Variants in BMP5 observed in about 807,000 individuals in gnomAD.
The protein encoded by BMP5 is bone morphogenetic protein 5.
Under a neutral mutation model 46.6 loss-of-function variants are expected in BMP5, and 23 were observed. The observed-to-expected ratio is 0.49, with a 90% CI of 0.35 to 0.70. The LOEUF is 0.70. Ranked by LOEUF, BMP5 falls within the 30% of genes least tolerant of loss-of-function variation. The pLI, the probability that BMP5 is intolerant of heterozygous loss-of-function variation, is 0.00. For synonymous variants in BMP5, 204 were observed against 191.9 expected, an observed-to-expected ratio of 1.06 and a Z score of -0.52; for missense variants, 545 against 565.6, an observed-to-expected ratio of 0.96 and a Z score of 0.37.
chr6:55,808,698 C>T (rs117686420), intron 2 of BMP5, among the ~76,000 whole-genome samples: 4,255 of 152,256 alleles, frequency 0.028, 81 homozygotes, highest in Middle Eastern at 0.065. Context: ...CACCACCTCC[C>T]TTGGCTGGGG....
chr6:55,797,433 A>C (rs1378780072), intron 2 of BMP5, among the ~76,000 whole-genome samples: 2 of 152,322 alleles, frequency 1.3e-5, no homozygotes, highest in Non-Finnish European at 2.9e-5. Context: ...TGCGATAGAG[A>C]AAATACATGT....
At chr6:55,855,417 A>G (rs1339240848) in intron 1 of BMP5, among the ~76,000 whole-genome samples, 1 of 151,998 alleles carries the variant, frequency 6.6e-6, no homozygotes, top group Non-Finnish European at 1.5e-5. Context: ...TTTTTAATAT[A>G]TTAGATATTA....
chr6:55,770,883 A>G (rs1317207335), intron 4 of BMP5, among the ~76,000 whole-genome samples: 1 of 151,952 alleles, frequency 6.6e-6, no homozygotes, highest in African/African-American at 2.4e-5. Flanking sequence ...CACAACATTT[A>G]CTTCCCATCT....
chr6:55,760,071 C>A (rs1170715960), intron 5 of BMP5, among the ~76,000 whole-genome samples: 1 of 151,906 alleles, frequency 6.6e-6, no homozygotes, highest in Non-Finnish European at 1.5e-5. Context: ...CTGTCATCTT[C>A]CCCATGACAG....
chr6:55,793,000 C>T (rs917647135), intron 3 of BMP5, among the ~76,000 whole-genome samples: 5 of 152,052 alleles, frequency 3.3e-5, no homozygotes, highest in African/African-American at 1.2e-4. Flanking sequence ...CAATGTAGAT[C>T]TCCATGATGT....
intron 1 of BMP5, among the ~76,000 whole-genome samples, chr6:55,870,411 CT>C (rs1356066372): frequency 6.6e-6 from 1 of 152,030 alleles, no homozygotes; most frequent in Non-Finnish European, 1.5e-5. Context: ...AAAGTTAAAA[CT>C]TTTACAGAAT....
chr6:55,839,822 A>G (rs1776907623), intron 1 of BMP5, among the ~76,000 whole-genome samples: 1 of 151,824 alleles, frequency 6.6e-6, no homozygotes, highest in Non-Finnish European at 1.5e-5. Context: ...TTTTTTTGCC[A>G]TTCATATACC....
At chr6:55,873,942 T>G (rs1777841575) in intron 1 of BMP5, among the ~76,000 whole-genome samples, 1 of 152,018 alleles carries the variant, frequency 6.6e-6, no homozygotes, top group African/African-American at 2.4e-5. Context: ...GATGAGAGAT[T>G]TTTAAGTAGT....
chr6:55,863,252 G>A (rs917006938), intron 1 of BMP5, among the ~76,000 whole-genome samples: 6 of 152,104 alleles, frequency 3.9e-5, no homozygotes, highest in African/African-American at 1.4e-4. Context: ...ATATAAAGAT[G>A]CTTTTAAAAA....
At chr6:55,861,881 T>G (rs76345127) in intron 1 of BMP5, among the ~76,000 whole-genome samples, 31,790 of 152,096 alleles carry the variant, frequency 0.21, 3,771 homozygotes, top group Admixed American at 0.26. Flanking sequence ...AGCATATCAG[T>G]GAATAGCTTG....
Position 55,833,850 on chromosome 6 carries a change from G to A in BMP5, c.491-14003C>T, listed in dbSNP as rs908765117. On this transcript the variant is annotated intron_variant, in intron 1 of 6. Transcript: ENST00000370830. ...ATCCTAATGAATTTATAAAGCTTTG[G>A]TGTATATTCAGAAGTCCTACAATGT... is the stretch of plus-strand genomic sequence containing the variant. Among the ~76,000 whole-genome samples, 3 of 152,026 alleles carry A rather than the reference G, an allele frequency of 2.0e-5. No individual in the cohort carries two copies. In the South Asian group the frequency reaches 6.2e-4, roughly 32 times the overall value.
intron 1 of BMP5, among the ~76,000 whole-genome samples, chr6:55,870,246 C>T (rs919920313): frequency 1.3e-5 from 2 of 150,244 alleles, no homozygotes; most frequent in African/African-American, 4.9e-5. Flanking sequence ...TTATAACTAT[C>T]TCTGGCAACC....
At chr6:55,770,076 A>G (rs775988231) in intron 4 of BMP5, among the ~76,000 whole-genome samples, 14 of 151,852 alleles carry the variant, frequency 9.2e-5, no homozygotes, top group Non-Finnish European at 2.1e-4. Flanking sequence ...ATTGTCTTCA[A>G]TTTAATCTCA....
chr6:55,825,606 GT>G (rs527862576), intron 1 of BMP5, among the ~76,000 whole-genome samples: 13 of 148,232 alleles, frequency 8.8e-5, no homozygotes, highest in Middle Eastern at 3.5e-3. Context: ...GATAGAAGTT[GT>G]TTTTTTTTTC....
intron 1 of BMP5, among the ~76,000 whole-genome samples, chr6:55,873,041 A>G (rs1299930636): frequency 6.6e-6 from 1 of 151,860 alleles, no homozygotes; most frequent in African/African-American, 2.4e-5. Flanking sequence ...ATTATGACTT[A>G]CTCACTTAAT....
At chr6:55,824,691 T>C (rs575640195) in intron 1 of BMP5, among the ~76,000 whole-genome samples, 1 of 151,066 alleles carries the variant, frequency 6.6e-6, no homozygotes, top group African/African-American at 2.5e-5. Context: ...TTCTCTCGTG[T>C]GAGAATAGAA....
chr6:55,800,346 C>T (rs539818000), intron 2 of BMP5, among the ~76,000 whole-genome samples: 79 of 152,036 alleles, frequency 5.2e-4, no homozygotes, highest in African/African-American at 1.6e-3. Flanking sequence ...AATATGTATG[C>T]GAAATATTAA....
chr6:55,772,053 C>G (rs190406638), intron 4 of BMP5, among the ~76,000 whole-genome samples: 1 of 151,970 alleles, frequency 6.6e-6, no homozygotes, highest in African/African-American at 2.4e-5. Context: ...TAGACACAAA[C>G]CAGCTACTTT....
At chr6:55,812,450 T>C (rs1033364372) in intron 2 of BMP5, among the ~76,000 whole-genome samples, 1 of 152,220 alleles carries the variant, frequency 6.6e-6, no homozygotes, top group Non-Finnish European at 1.5e-5. Context: ...ATAGATTAGA[T>C]GGTTAATAGG....
Sources: gnomAD v4.1 joint callset for allele counts (sites outside exome capture counted in the v4.1 genomes callset) on GRCh38, gnomAD v4.1.1 for gene constraint, MANE v1.5 for transcripts, NCBI Gene and HGNC (gene_info 2026-07-23, HGNC 2026-07-21) for gene names.